KCNB2: variants seen among roughly 807,000 people sequenced by gnomAD.
KCNB2 encodes delayed rectifier potassium channel protein.
A neutral mutation model predicts 61.5 loss-of-function variants in KCNB2; 15 were observed. The observed-to-expected ratio is 0.24, with a 90% confidence interval of 0.16 to 0.38. The LOEUF (loss-of-function observed/expected upper bound fraction) is 0.38. KCNB2 is among the 10% of genes least tolerant of loss of function. The pLI is 1.00. For missense variants in KCNB2, 828 were observed against 1,125.2 expected, an observed-to-expected ratio of 0.74 and a Z score of 3.78; for synonymous variants, 457 against 446.0, an observed-to-expected ratio of 1.02 and a Z score of -0.31.
chr8:72,773,310 C>G (rs2255511), intron 2 of KCNB2, among the ~76,000 whole-genome samples: 9 of 151,980 alleles, frequency 5.9e-5, no homozygotes, highest in Non-Finnish European at 1.2e-4. Flanking sequence ...TGTCTTCCCC[C>G]ATGTGGTGAA....
At chr8:72,578,053 C>G (rs1178634327) in intron 2 of KCNB2, among the ~76,000 whole-genome samples, 2 of 152,176 alleles carry the variant, frequency 1.3e-5, no homozygotes, top group African/African-American at 4.8e-5. Flanking sequence ...GACCATCTAA[C>G]TTGTACATTC....
intron 2 of KCNB2, among the ~76,000 whole-genome samples, chr8:72,717,047 G>T (rs9694564): frequency 0.6 from 83,078 of 138,222 alleles, 23,324 homozygotes; most frequent in African/African-American, 0.68. Flanking sequence ...AAATCATGAG[G>T]GAACTCCCAT....
chr8:72,702,993 A>G (rs1807160369), intron 2 of KCNB2, among the ~76,000 whole-genome samples: 1 of 152,186 alleles, frequency 6.6e-6, no homozygotes, highest in Non-Finnish European at 1.5e-5. Context: ...GCATTAAGGG[A>G]CCACTTCCGC....
rs1563523461 is a variant in KCNB2, at chr8:72,561,743, A to ATGTGTG, written c.-93-5898_-93-5897insGTGTGT. ...TATATATATATCTATATCTATATATATATGTATATATATATATGGATATAT... is the reference window on the plus strand; with the variant it reads ...TATATATATATCTATATCTATATATATGTGTGTATGTATATATATATATGGATATAT... On this transcript the variant is annotated intron_variant, in intron 1 of 2. Coordinates refer to ENST00000523207, the MANE Select transcript of KCNB2 (RefSeq NM_004770.3). 1.9e-3 allele frequency among the ~76,000 whole-genome samples: 52 copies of ATGTGTG among 27,862 alleles called. 4 individuals are homozygous for ATGTGTG. The highest frequency in any genetic ancestry group is 6.3e-3 in the Admixed American group (13 of 2,058). 18.3% of individuals were successfully genotyped at this position (27,862 alleles called of 152,430 possible). A position where few individuals can be genotyped will look rare whatever the true frequency, so the allele number is the denominator to read the frequency against.
intron 2 of KCNB2, among the ~76,000 whole-genome samples, chr8:72,864,252 T>C (rs190804807): frequency 6.6e-6 from 1 of 152,278 alleles, no homozygotes; most frequent in African/African-American, 2.4e-5. Flanking sequence ...AAACATCAGG[T>C]TGAAGAGTCC....
intron 2 of KCNB2, among the ~76,000 whole-genome samples, chr8:72,925,649 G>T (rs1806625461): frequency 6.6e-6 from 1 of 152,244 alleles, no homozygotes. Context: ...TGGTGGGCAT[G>T]TAAATTAGTT....
intron 2 of KCNB2, among the ~76,000 whole-genome samples, chr8:72,883,482 A>G (rs542714241): frequency 2.0e-5 from 3 of 152,278 alleles, no homozygotes; most frequent in African/African-American, 7.2e-5. Context: ...CTGTCCCTTT[A>G]CTTCAATTTA....
intron 2 of KCNB2, among the ~76,000 whole-genome samples, chr8:72,898,055 G>T (rs567362248): frequency 6.6e-6 from 1 of 152,120 alleles, no homozygotes; most frequent in Non-Finnish European, 1.5e-5. Context: ...CTGGGAAATG[G>T]ATTATCTGTC....
intron 2 of KCNB2, among the ~76,000 whole-genome samples, chr8:72,614,378 G>A (rs538421284): frequency 6.6e-6 from 1 of 152,272 alleles, no homozygotes; most frequent in Admixed American, 6.5e-5. Context: ...GAATCAGAGA[G>A]GACTTGGGTT....
At chr8:72,917,755 A>G (rs1231582961) in intron 2 of KCNB2, among the ~76,000 whole-genome samples, 1 of 152,216 alleles carries the variant, frequency 6.6e-6, no homozygotes, top group Non-Finnish European at 1.5e-5. Flanking sequence ...TTGCGGTATA[A>G]TTTAAAAGCC....
chr8:72,572,074 T>C (rs980086163), intron 2 of KCNB2, among the ~76,000 whole-genome samples: 2 of 152,026 alleles, frequency 1.3e-5, no homozygotes, highest in Non-Finnish European at 2.9e-5. Flanking sequence ...GAAACAACAA[T>C]CAGGAAGTAG....
rs200581480 is a variant in KCNB2 at position 72,893,230 on chromosome 8, C to T, written c.580-42705C>T. 3.6e-4 allele frequency among the ~76,000 whole-genome samples: 55 copies of T among 152,136 alleles called. No individual in the cohort carries two copies. In the East Asian group the frequency reaches 7.9e-3, roughly 22 times the overall value. The stretch of plus-strand genomic sequence containing the variant: ...CTGCTTATTAAAAAAAAATCACACT[C>T]GTCAGTTTGCTCTCTGGGCATGATA... On this transcript the variant is annotated intron_variant, in intron 2 of 2. Coordinates refer to ENST00000523207, the MANE Select transcript of KCNB2 (RefSeq NM_004770.3).
chr8:72,907,019 C>T (rs1391833429), intron 2 of KCNB2, among the ~76,000 whole-genome samples: 1 of 152,072 alleles, frequency 6.6e-6, no homozygotes, highest in Non-Finnish European at 1.5e-5. Flanking sequence ...AAGAATTAAC[C>T]AACCATGAAG....
intron 2 of KCNB2, among the ~76,000 whole-genome samples, chr8:72,785,790 G>A (rs1808836538): frequency 6.6e-6 from 1 of 152,102 alleles, no homozygotes; most frequent in Non-Finnish European, 1.5e-5. Context: ...ACTAAATGTA[G>A]AAGATGAGAT....
At chr8:72,603,914 A>G (rs1805405013) in intron 2 of KCNB2, among the ~76,000 whole-genome samples, 1 of 152,268 alleles carries the variant, frequency 6.6e-6, no homozygotes, top group Admixed American at 6.5e-5. Context: ...AGGAATGCCA[A>G]GTATTGTGGT....
At chr8:72,715,029 G>C (rs1348215299) in intron 2 of KCNB2, among the ~76,000 whole-genome samples, 1 of 152,156 alleles carries the variant, frequency 6.6e-6, no homozygotes, top group Non-Finnish European at 1.5e-5. Context: ...GGATAAAACA[G>C]ACTTTAAACC....
At chr8:72,591,959 A>G (rs1352085269) in intron 2 of KCNB2, among the ~76,000 whole-genome samples, 2 of 152,190 alleles carry the variant, frequency 1.3e-5, no homozygotes, top group African/African-American at 4.8e-5. Context: ...ATCTCTTGAA[A>G]TGAATATTTA....
intron 2 of KCNB2, among the ~76,000 whole-genome samples, chr8:72,577,210 C>G (rs565654397): frequency 6.6e-6 from 1 of 152,080 alleles, no homozygotes; most frequent in Non-Finnish European, 1.5e-5. Context: ...TGTCAAGTTT[C>G]TGTGTCTACG....
At chr8:72,795,351 C>A (rs1275263812) in intron 2 of KCNB2, among the ~76,000 whole-genome samples, 3 of 152,128 alleles carry the variant, frequency 2.0e-5, no homozygotes, top group African/African-American at 7.2e-5. Context: ...CGTAAAATGA[C>A]CTATTCTGGG....
Sources: allele counts gnomAD v4.1 joint callset (sites outside exome capture counted in the v4.1 genomes callset), GRCh38; gene constraint gnomAD v4.1.1; transcripts MANE v1.5; gene names NCBI Gene and HGNC (gene_info 2026-07-23, HGNC 2026-07-21).